TTLL7: variants seen among roughly 807,000 people sequenced by gnomAD.
The protein encoded by TTLL7 is tubulin tyrosine ligase like 7.
A neutral mutation model predicts 120.2 loss-of-function variants in TTLL7; 53 were observed. The ratio of observed to expected loss-of-function variants is 0.44; its 90% CI spans 0.35 to 0.55. The LOEUF (loss-of-function observed/expected upper bound fraction) is 0.55. Among genes scored for constraint, TTLL7 ranks in the 20% least tolerant of loss-of-function variants. The probability of loss-of-function intolerance (pLI) is 0.00; values close to 1 mark genes in which losing one functional copy is unlikely to be tolerated. For synonymous variants in TTLL7, 353 were observed against 351.7 expected (o/e 1.00, Z -0.04); for missense variants, 803 against 1,054.7 (o/e 0.76, Z 3.31).
At position 83,921,124 on chromosome 1, in the gene TTLL7, G is replaced by C; in HGVS notation, c.1327C>G (p.Arg443Gly). The C allele has an allele frequency of 6.2e-7, 1 of 1,612,992 alleles. No individual in the cohort carries two copies. Among genetic ancestry groups the C allele is most frequent in the Non-Finnish European group, 8.5e-7 (1 of 1,179,548 alleles). Residue 443 changes from arginine to glycine, a missense_variant, in exon 12 of 21, where the codon CGA becomes GGA. Arg to Gly is a moderately radical substitution (Grantham distance 125). Transcript: ENST00000260505. ...RLAQVRKQIS[R>G]EEHENRHMGN... is the part of the protein sequence containing the mutation. ...ATATGTCGATTTTCATGTTCTTCTCGTGAGATCTGCTTTCGTACTTGAGCG... is the reference window on the plus strand; with the variant it reads ...ATATGTCGATTTTCATGTTCTTCTCCTGAGATCTGCTTTCGTACTTGAGCG...
intron 1 of TTLL7, among the ~76,000 whole-genome samples, chr1:83,962,136 G>A (rs1342084422): frequency 6.6e-6 from 1 of 152,122 alleles, no homozygotes; most frequent in South Asian, 2.1e-4. Flanking sequence ...CTATCAAAAT[G>A]TGCAGCTGCT....
intron 1 of TTLL7, among the ~76,000 whole-genome samples, chr1:83,974,739 A>G (rs935728815): frequency 2.6e-5 from 4 of 152,006 alleles, no homozygotes; most frequent in African/African-American, 9.7e-5. Flanking sequence ...GTATCGTTAC[A>G]TGTTTTTATC....
chr1:83,870,175 T>A, intron 20 of TTLL7, 93 bp from the exon 21 acceptor site: 1 of 1,196,372 alleles, frequency 8.4e-7, no homozygotes, highest in Non-Finnish European at 1.1e-6. Flanking sequence ...GTAGTCTATA[T>A]GAGAAATGTT....
At chr1:83,878,161 T>G (rs1181077743) in intron 20 of TTLL7, among the ~76,000 whole-genome samples, 1 of 151,748 alleles carries the variant, frequency 6.6e-6, no homozygotes, top group East Asian at 1.9e-4. Flanking sequence ...AAGTTCTCTG[T>G]ATAATTTCAA....
rs528342941 is a variant in TTLL7, at chr1:83,905,145, T to C, written c.2128-986A>G. On this transcript the variant is annotated intron_variant, in intron 17 of 20. Coordinates refer to ENST00000260505, the MANE Select transcript of TTLL7 (RefSeq NM_024686.6). The stretch of plus-strand genomic sequence containing the variant: ...GCTATATATAGAAAATTTTATCAAA[T>C]AAGATGACATAGGTAAATAAAAGCA... 1.8e-3 allele frequency among the ~76,000 whole-genome samples: 281 copies of C among 152,076 alleles called. 1 individual carries two copies. Among genetic ancestry groups the C allele is most frequent in the African/African-American group, 6.7e-3 (277 of 41,524 alleles).
chr1:83,939,111 G>A (rs1337675125), intron 7 of TTLL7, among the ~76,000 whole-genome samples: 4 of 152,034 alleles, frequency 2.6e-5, no homozygotes, highest in Non-Finnish European at 4.4e-5. Flanking sequence ...TCTCCGCTGG[G>A]CACTGCGGAT....
At chr1:83,954,734 G>C (rs1313323818) in intron 1 of TTLL7, among the ~76,000 whole-genome samples, 1 of 151,846 alleles carries the variant, frequency 6.6e-6, no homozygotes, top group Non-Finnish European at 1.5e-5. Flanking sequence ...CGATGACAAT[G>C]CAACAAATAA....
chr1:83,951,208 G>A (rs747950080), intron 3 of TTLL7, among the ~76,000 whole-genome samples: 1 of 152,056 alleles, frequency 6.6e-6, no homozygotes, highest in East Asian at 1.9e-4. Flanking sequence ...AATTAGCCAG[G>A]TGTGGTGGCG....
chr1:83,906,033 GAAC>G (rs1165586244), intron 17 of TTLL7, among the ~76,000 whole-genome samples: 4 of 151,890 alleles, frequency 2.6e-5, no homozygotes, highest in Non-Finnish European at 5.9e-5. Flanking sequence ...TAATCATTAA[GAAC>G]AATAATTATT....
chr1:83,869,441 A>G lies in TTLL7; in HGVS notation c.*521T>C, dbSNP rs1224936381. On this transcript the variant is annotated 3_prime_UTR_variant, in exon 21 of 21. Transcript: ENST00000260505. ...CTATAGTAATGATAAACCCGTTTTAAACTTCTTAATCTTATCATCAAGCAA... is the reference window on the plus strand; with the variant it reads ...CTATAGTAATGATAAACCCGTTTTAGACTTCTTAATCTTATCATCAAGCAA... 6.6e-6 allele frequency: 1 copy of G among 152,388 alleles called. No homozygotes were observed. Among genetic ancestry groups the G allele is most frequent in the Non-Finnish European group, 1.5e-5 (1 of 68,206 alleles). The allele number at this position is 152,388 out of a possible 1,614,324, so 9.4% of individuals were successfully genotyped here.
chr1:83,966,935 C>T (rs1650511703), intron 1 of TTLL7, among the ~76,000 whole-genome samples: 1 of 152,052 alleles, frequency 6.6e-6, no homozygotes, highest in South Asian at 2.1e-4. Context: ...TGTGGAAAAA[C>T]ATAGACAATG....
intron 18 of TTLL7, among the ~76,000 whole-genome samples, chr1:83,892,671 TG>T (rs1257875221): frequency 2.0e-5 from 3 of 147,156 alleles, no homozygotes; most frequent in African/African-American, 7.5e-5. Context: ...AACATATATA[TG>T]AACATATGAA....
intron 10 of TTLL7, among the ~76,000 whole-genome samples, chr1:83,922,456 G>C (rs1395810874): frequency 2.0e-5 from 3 of 152,144 alleles, no homozygotes; most frequent in Non-Finnish European, 4.4e-5. Flanking sequence ...ACAATAAAGA[G>C]AGTTCTTTTG....
Position 83,929,848 on chromosome 1 carries a change from G to A in TTLL7, c.1048-618C>T, listed in dbSNP as rs138167589. 2.6e-4 allele frequency among the ~76,000 whole-genome samples: 39 copies of A among 152,176 alleles called. No homozygotes were observed. The East Asian group carries it at 7.5e-3, about 29-fold the overall frequency. ...ATTTCTTAATCAGTTAAATCGGTTG[G>A]TTAGAACACTGCTGAGTTCAACACA... On this transcript the variant is annotated intron_variant, in intron 9 of 20. Coordinates refer to ENST00000260505, the MANE Select transcript of TTLL7 (RefSeq NM_024686.6).
intron 14 of TTLL7, among the ~76,000 whole-genome samples, chr1:83,913,672 T>G (rs536779846): frequency 6.6e-6 from 1 of 152,236 alleles, no homozygotes. Flanking sequence ...TCAACAACTT[T>G]GAAATATAGC....
intron 19 of TTLL7, chr1:83,885,191 A>AG (rs1557542191): frequency 5.8e-6 from 1 of 172,740 alleles, no homozygotes; most frequent in East Asian, 1.9e-4. Flanking sequence ...TACAAAAAAA[A>AG]TCCTGTGTTT....
intron 18 of TTLL7, among the ~76,000 whole-genome samples, chr1:83,892,361 TATATATACGA>T (rs1655610373): frequency 2.4e-5 from 3 of 126,506 alleles, no homozygotes; most frequent in South Asian, 2.3e-4. Context: ...TATATATGAA[TATATATACGA>T]ATATATATGA....
chr1:83,942,642 G>C lies in TTLL7; in HGVS notation c.544C>G (p.Gln182Glu). Residue 182 changes from glutamine (Q) to glutamate (E), a missense_variant, in exon 7 of 21, where the codon CAG becomes GAG. By Grantham distance (29) the Gln-to-Glu change is conservative (BLOSUM62 2). Around this residue, in one of 3 missense-constraint regions of TTLL7, gnomAD observed 324 missense variants for 507.7 expected, o/e 0.64. Coordinates refer to ENST00000260505, the MANE Select transcript of TTLL7 (RefSeq NM_024686.6). ...LIRNGDKLPS[Q>E]DHLIVQEYIE... Reference sequence around the variant, plus strand: ...TATTCTTGAACAATCAAATGATCCTGAGATGGAAGTTTGTCACCATTTCTT... The same window carrying C: ...TATTCTTGAACAATCAAATGATCCTCAGATGGAAGTTTGTCACCATTTCTT... The C allele has an allele frequency of 6.2e-7, 1 of 1,613,554 alleles. No homozygotes were observed. Among genetic ancestry groups the C allele is most frequent in the Non-Finnish European group, 8.5e-7 (1 of 1,179,694 alleles).
intron 10 of TTLL7, among the ~76,000 whole-genome samples, chr1:83,927,720 G>C (rs952110642): frequency 2.6e-5 from 4 of 152,050 alleles, no homozygotes; most frequent in Admixed American, 6.6e-5. Context: ...TGTTAAGTAG[G>C]GGATTTCTAG....
Sources: allele counts gnomAD v4.1 joint callset (sites outside exome capture counted in the v4.1 genomes callset), GRCh38; gene constraint gnomAD v4.1.1; regional missense constraint gnomAD v4.1.1; transcripts MANE v1.5; gene names NCBI Gene and HGNC (gene_info 2026-07-23, HGNC 2026-07-21).